The following DNA2 variants were observed in gnomAD, a reference collection of about 807,000 sequenced individuals.
The protein encoded by DNA2 is DNA replication helicase/nuclease 2.
DNA2 carries 101 observed loss-of-function variants against 119.1 expected under a neutral mutation model. The ratio of observed to expected loss-of-function variants is 0.85; its 90% CI spans 0.72 to 1.00. The LOEUF (loss-of-function observed/expected upper bound fraction) is 1.00. DNA2 is among the 50% of genes least tolerant of loss of function. DNA2 has a pLI of 0.00. For synonymous variants in DNA2, 366 were observed against 424.4 expected, an observed-to-expected ratio of 0.86 and a Z score of 1.69; for missense variants, 1,121 against 1,255.5, an observed-to-expected ratio of 0.89 and a Z score of 1.62.
chr10:68,427,347 C>CA (rs1375551143), intron 14 of DNA2, among the ~76,000 whole-genome samples: 15 of 145,824 alleles, frequency 1.0e-4, no homozygotes, highest in African/African-American at 3.9e-4. Context: ...AATAACGTGT[C>CA]AAAAACAAAA....
chr10:68,444,105 A>C (rs2052005739), intron 8 of DNA2, among the ~76,000 whole-genome samples: 1 of 152,090 alleles, frequency 6.6e-6, no homozygotes, highest in African/African-American at 2.4e-5. Flanking sequence ...AAAAACACAA[A>C]AAATTGCTGG....
intron 14 of DNA2, among the ~76,000 whole-genome samples, chr10:68,426,650 A>G (rs917360318): frequency 5.9e-5 from 9 of 151,422 alleles, no homozygotes. Flanking sequence ...CCTGTCTAAG[A>G]GACGGTGAAA....
At chr10:68,426,289 G>C (rs1313526244) in intron 14 of DNA2, among the ~76,000 whole-genome samples, 9 of 151,224 alleles carry the variant, frequency 6.0e-5, no homozygotes. Context: ...TGTAATCCCA[G>C]CACTTTGGGA....
Position 68,430,426 on chromosome 10 carries a change from T to C in DNA2, c.2208+10A>G. The C allele has an allele frequency of 6.5e-7, 1 of 1,546,524 alleles. No individual in the cohort carries two copies. The highest frequency in any genetic ancestry group is 8.8e-7 in the Non-Finnish European group (1 of 1,129,954). ...AACTGTTAGTATTATTATACAATAA[T>C]TGTGCTTACTTGACTATTGTAGAGT... On this transcript the variant is annotated intron_variant, in intron 14 of 20. Transcript: ENST00000358410.
intron 10 of DNA2, 44 bp from the exon 11 acceptor site, chr10:68,432,554 A>G (rs1339642381): frequency 9.4e-7 from 1 of 1,068,890 alleles, no homozygotes; most frequent in Non-Finnish European, 1.4e-6. Context: ...GCCATTTCGC[A>G]TAGTCTGTAT....
chr10:68,416,021 T>C (rs2051584694), intron 20 of DNA2, among the ~76,000 whole-genome samples: 1 of 152,156 alleles, frequency 6.6e-6, no homozygotes. Flanking sequence ...ATTAAAAATT[T>C]TAAAAAATTA....
chr10:68,427,650 AACACACAC>A (rs151180015), intron 14 of DNA2, among the ~76,000 whole-genome samples: 3 of 140,142 alleles, frequency 2.1e-5, no homozygotes, highest in South Asian at 2.3e-4. Flanking sequence ...CCTTGTCTCA[AACACACAC>A]ACACACACAC....
chr10:68,436,926 A>T (rs1813774796), intron 10 of DNA2, 85 bp downstream of exon 10: 1 of 1,100,494 alleles, frequency 9.1e-7, no homozygotes, highest in Admixed American at 2.2e-5. Context: ...AAAACCAGCG[A>T]ATTGTACATT....
rs1363351664 is a variant in DNA2 at position 68,469,984 on chromosome 10, T to C, written c.254A>G (p.Asp85Gly). Residue 85 changes from aspartate to glycine, a missense_variant, in exon 2 of 21, where the codon GAC (aspartate) becomes GGC (glycine). By Grantham distance (94) the Asp-to-Gly change is moderately conservative. Transcript: ENST00000358410. The stretch of plus-strand genomic sequence containing the variant: ...CTCAAAGTCACATAAAAATTACCAG[T>C]CATTCCTAAGGATGCATAGTTCTTT... ...ENKELCILRN[D>G]WCSVPVEPGD... 6.3e-7 allele frequency: 1 copy of C among 1,595,904 alleles called. No homozygotes were observed. The highest frequency in any genetic ancestry group is 2.2e-5 in the East Asian group (1 of 44,826).
rs532052781 is a variant in DNA2, at chr10:68,447,644, G to A, written c.940-1231C>T. Among the ~76,000 whole-genome samples the A allele has an allele frequency of 5.9e-5, 9 of 151,508 alleles. No homozygotes were observed. In the South Asian group the frequency reaches 6.3e-4, roughly 11 times the overall value. ...GTAAAGGCTGCAGTGAGCCAAGACC[G>A]TGCCACTACATTCCAGCCCAGGTAA... On this transcript the variant is annotated intron_variant, in intron 6 of 20. Transcript: ENST00000358410.
At chr10:68,424,833 A>G (rs761863113) in intron 14 of DNA2, 48 of 884,482 alleles carry the variant, frequency 5.4e-5, no homozygotes, top group Non-Finnish European at 9.1e-5. Flanking sequence ...GTAGGCCAAC[A>G]GCACAACCGT....
intron 6 of DNA2, among the ~76,000 whole-genome samples, chr10:68,448,809 G>A (rs536935140): frequency 6.7e-6 from 1 of 150,352 alleles, no homozygotes; most frequent in East Asian, 1.9e-4. Flanking sequence ...ATGGAGTCTG[G>A]CTCTGTCACC....
At chr10:68,449,355 A>G (rs2052087203) in intron 6 of DNA2, among the ~76,000 whole-genome samples, 1 of 152,182 alleles carries the variant, frequency 6.6e-6, no homozygotes, top group African/African-American at 2.4e-5. Flanking sequence ...GTCTTTAAAA[A>G]GGGGAAACAT....
intron 9 of DNA2, among the ~76,000 whole-genome samples, chr10:68,441,602 C>A (rs1057514355): frequency 1.3e-5 from 2 of 151,916 alleles, no homozygotes; most frequent in Admixed American, 1.3e-4. Flanking sequence ...ATGGTGAAAC[C>A]CTGTCTCTAC....
In DNA2 at chr10:68,414,985, G is replaced by C. The variant is rs186827859; in HGVS notation, c.*54C>G. ...TATGGTGATAGAATTTTCTGTATGG[G>C]CACTAGCTAGAGGAGATACTGCCCT... is the stretch of plus-strand genomic sequence containing the variant. On this transcript the variant is annotated 3_prime_UTR_variant, in exon 21 of 21. Coordinates refer to ENST00000358410, the MANE Select transcript of DNA2 (RefSeq NM_001080449.3). 1 of 1,112,478 alleles carries C rather than the reference G, an allele frequency of 9.0e-7. No individual in the cohort carries two copies. Among genetic ancestry groups the C allele is most frequent in the East Asian group, 2.6e-5 (1 of 39,132 alleles). The allele number at this position is 1,112,478 out of a possible 1,614,324, so 68.9% of individuals were successfully genotyped here.
rs1201741110 is a variant in DNA2, at chr10:68,468,115, T to C, written c.441+8A>G. 6.5e-7 allele frequency: 1 copy of C among 1,547,564 alleles called. No individual in the cohort carries two copies. The highest frequency in any genetic ancestry group is 8.7e-7 in the Non-Finnish European group (1 of 1,147,458). On this transcript the variant is annotated splice_region_variant and intron_variant, in intron 3 of 20. Coordinates refer to ENST00000358410, the MANE Select transcript of DNA2 (RefSeq NM_001080449.3). Reference sequence around the variant, plus strand: ...CCTGCAGAAACATTAACTGTTACTATTATTTACCCTAAAAGTTTCACTCAG... The same window carrying C: ...CCTGCAGAAACATTAACTGTTACTACTATTTACCCTAAAAGTTTCACTCAG...
rs2051897910 is a variant in DNA2 at position 68,437,041 on chromosome 10, T to C, written c.1616A>G (p.Asn539Ser). 4 of 1,612,430 alleles carry C rather than the reference T, an allele frequency of 2.5e-6. No homozygotes were observed. Among genetic ancestry groups the C allele is most frequent in the African/African-American group, 2.7e-5 (2 of 75,032 alleles). ...ALSRGYVKEI[N>S]MTTVTCLLDR... ...TAATAAACAAGTTACTGTTGTCATG[T>C]TAATCTCCTTCACATATCCTCTAGA... The change falls in exon 10 of 21, where the codon AAC becomes AGC. Residue 539 changes from asparagine (N) to serine (S), a missense_variant. Asn to Ser is a conservative substitution (Grantham distance 46). Transcript: ENST00000358410.
At chr10:68,461,828 C>CAAAAAAAAAAAAAAAA (rs554059657) in intron 4 of DNA2, among the ~76,000 whole-genome samples, 4 of 70,294 alleles carry the variant, frequency 5.7e-5, no homozygotes, top group African/African-American at 1.7e-4. Context: ...AACTCCGTCT[C>CAAAAAAAAAAAAAAAA]AAAAAAAAAA....
rs1252203393 is a variant in DNA2, at chr10:68,445,079, T to A, written c.1062A>T (p.Leu354Phe). The A allele has an allele frequency of 6.3e-7, 1 of 1,591,512 alleles. No homozygotes were observed. Residue 354 changes from leucine (L) to phenylalanine (F), a missense_variant, in exon 8 of 21, where the codon TTA becomes TTT. Transcript: ENST00000358410. ...ATGCCATCTGGTTTCTTAGCTTTAA[T>A]AATTCTATGAAAAAAAAGGTGAATG... ...VPANHLDKRELLKLRNQMAFS... is the reference protein window; with the variant it reads ...VPANHLDKREFLKLRNQMAFS...
Sources: gnomAD v4.1 joint callset for allele counts (sites outside exome capture counted in the v4.1 genomes callset) on GRCh38, gnomAD v4.1.1 for gene constraint, MANE v1.5 for transcripts, NCBI Gene and HGNC (gene_info 2026-07-23, HGNC 2026-07-21) for gene names.